Variants in STX8 observed in about 807,000 individuals in gnomAD.
STX8 encodes syntaxin-8.
STX8 carries 23 observed loss-of-function variants against 37.5 expected under a neutral mutation model. That is an observed-to-expected ratio of 0.61 (90% CI 0.44 to 0.87). The LOEUF (loss-of-function observed/expected upper bound fraction) is 0.87. Among genes scored for constraint, STX8 ranks in the 40% least tolerant of loss-of-function variants. The probability of loss-of-function intolerance (pLI) is 0.00; values close to 1 mark genes in which losing one functional copy is unlikely to be tolerated. For synonymous variants in STX8, 115 were observed against 99.1 expected (o/e 1.16, Z -0.95); for missense variants, 313 against 284.7 (o/e 1.10, Z -0.71).
chr17:9,508,989 C>T (rs1312107465), intron 4 of STX8, among the ~76,000 whole-genome samples: 1 of 152,194 alleles, frequency 6.6e-6, no homozygotes, highest in Non-Finnish European at 1.5e-5. Flanking sequence ...TGGCTCATGC[C>T]TGTTATCCCA....
At chr17:9,508,738 T>C (rs751129729) in intron 4 of STX8, among the ~76,000 whole-genome samples, 4 of 152,112 alleles carry the variant, frequency 2.6e-5, no homozygotes, top group African/African-American at 7.2e-5. Flanking sequence ...CACTATTAAG[T>C]GAACAAATAT....
chr17:9,303,462 G>A (rs1908858278), intron 7 of STX8, among the ~76,000 whole-genome samples: 1 of 152,092 alleles, frequency 6.6e-6, no homozygotes, highest in Non-Finnish European at 1.5e-5. Flanking sequence ...GTGTGTGTGT[G>A]TGTATGTGTA....
chr17:9,558,737 G>A (rs9895181), intron 2 of STX8, among the ~76,000 whole-genome samples: 9,392 of 152,030 alleles, frequency 0.062, 408 homozygotes, highest in African/African-American at 0.13. Flanking sequence ...GCAGGAGAAC[G>A]GCGTGAACCC....
intron 6 of STX8, among the ~76,000 whole-genome samples, chr17:9,430,420 C>T (rs978268787): frequency 6.6e-6 from 1 of 150,972 alleles, no homozygotes; most frequent in African/African-American, 2.4e-5. Context: ...AATCTACTTT[C>T]TTTCTCTGTG....
At chr17:9,365,375 T>C (rs765650637) in intron 7 of STX8, among the ~76,000 whole-genome samples, 2 of 152,248 alleles carry the variant, frequency 1.3e-5, no homozygotes, top group Non-Finnish European at 2.9e-5. Flanking sequence ...TTTCCCTGTC[T>C]GGCCCTTGAA....
intron 7 of STX8, among the ~76,000 whole-genome samples, chr17:9,352,315 G>A (rs1910732952): frequency 6.6e-6 from 1 of 151,794 alleles, no homozygotes; most frequent in Admixed American, 6.6e-5. Flanking sequence ...TGGTTATCCT[G>A]CTTCCCATAT....
chr17:9,310,023 T>C (rs1334806606), intron 7 of STX8, among the ~76,000 whole-genome samples: 3 of 140,218 alleles, frequency 2.1e-5, no homozygotes, highest in Non-Finnish European at 4.4e-5. Flanking sequence ...TTGACTCTTA[T>C]TAGTCAAGTT....
chr17:9,310,367 TC>T (rs565632400), intron 7 of STX8, among the ~76,000 whole-genome samples: 115 of 152,326 alleles, frequency 7.5e-4, no homozygotes, highest in Middle Eastern at 3.4e-3. Flanking sequence ...TTGCTAACTC[TC>T]TAAGTAAAGC....
intron 7 of STX8, among the ~76,000 whole-genome samples, chr17:9,292,455 T>C (rs1901296776): frequency 6.6e-6 from 1 of 152,186 alleles, no homozygotes; most frequent in Non-Finnish European, 1.5e-5. Context: ...TGAACAAAAA[T>C]AGAATCTGTT....
At chr17:9,497,084 T>C (rs563575301) in intron 5 of STX8, among the ~76,000 whole-genome samples, 4 of 152,340 alleles carry the variant, frequency 2.6e-5, no homozygotes, top group East Asian at 1.9e-4. Context: ...ATTTCCTATC[T>C]GTAGACATTC....
At chr17:9,448,345 CCTAA>C (rs1286457840) in intron 6 of STX8, among the ~76,000 whole-genome samples, 5 of 152,308 alleles carry the variant, frequency 3.3e-5, no homozygotes, top group African/African-American at 9.6e-5. Flanking sequence ...CCCGCACACT[CCTAA>C]CTGAGGCTGA....
intron 7 of STX8, among the ~76,000 whole-genome samples, chr17:9,328,352 G>A (rs889283162): frequency 2.0e-5 from 3 of 152,104 alleles, no homozygotes; most frequent in East Asian, 1.9e-4. Context: ...GCAGGAGAGG[G>A]TCAGAAAGAG....
chr17:9,383,332 A>C (rs1911882423), intron 6 of STX8, among the ~76,000 whole-genome samples: 1 of 152,238 alleles, frequency 6.6e-6, no homozygotes, highest in Admixed American at 6.5e-5. Context: ...TTAGTAAAGA[A>C]GAAAGATGTG....
chr17:9,542,251 G>C (rs925255852), intron 4 of STX8, among the ~76,000 whole-genome samples: 1 of 152,100 alleles, frequency 6.6e-6, no homozygotes, highest in Non-Finnish European at 1.5e-5. Context: ...CCAGCTACTC[G>C]GGAGGCTGAG....
intron 6 of STX8, among the ~76,000 whole-genome samples, chr17:9,457,877 A>G (rs553470462): frequency 6.6e-6 from 1 of 152,350 alleles, no homozygotes; most frequent in East Asian, 1.9e-4. Flanking sequence ...GCCCATTATC[A>G]ATCCAATTTT....
intron 6 of STX8, among the ~76,000 whole-genome samples, chr17:9,396,445 G>GGCTGAGGTGGGCGGGTCATCTGAGGTCA (rs1218810597): frequency 2.1e-4 from 32 of 152,196 alleles, no homozygotes; most frequent in Admixed American, 1.3e-3. Context: ...CACTTTGGGA[G>GGCTGAGGTGGGCGGGTCATCTGAGGTCA]GCTGAGGTGG....
chr17:9,445,937 A>C (rs1904835972), intron 6 of STX8, among the ~76,000 whole-genome samples: 1 of 144,740 alleles, frequency 6.9e-6, no homozygotes, highest in Non-Finnish European at 1.5e-5. Flanking sequence ...TCCCGGGTTC[A>C]CGCCATTCCC....
At chr17:9,407,963 A>G (rs1912854405) in intron 6 of STX8, among the ~76,000 whole-genome samples, 1 of 152,174 alleles carries the variant, frequency 6.6e-6, no homozygotes. Flanking sequence ...TACAGATGCA[A>G]ATGTTCCCCC....
At chr17:9,543,482 T>G (rs567913857) in intron 4 of STX8, among the ~76,000 whole-genome samples, 1 of 152,226 alleles carries the variant, frequency 6.6e-6, no homozygotes, top group Non-Finnish European at 1.5e-5. Context: ...GTTGTTGTAT[T>G]TTAGTAGAGA....
Sources: gnomAD v4.1 joint callset for allele counts (sites outside exome capture counted in the v4.1 genomes callset) on GRCh38, gnomAD v4.1.1 for gene constraint, MANE v1.5 for transcripts, NCBI Gene and HGNC (gene_info 2026-07-23, HGNC 2026-07-21) for gene names.